Variants in RNF43 observed in about 807,000 individuals in gnomAD.
RNF43 encodes the protein E3 ubiquitin-protein ligase RNF43.
In RNF43, 37 loss-of-function variants were observed where a neutral mutation model predicts 78.4. That is an observed-to-expected ratio of 0.47 (90% CI 0.36 to 0.62). The LOEUF (loss-of-function observed/expected upper bound fraction) is 0.62, where lower values mean the gene tolerates loss of function less well. Ranked by LOEUF, RNF43 falls within the 20% of genes least tolerant of loss-of-function variation. RNF43 has a pLI of 0.00. For synonymous variants in RNF43, 347 were observed against 395.0 expected (o/e 0.88, Z 1.44); for missense variants, 774 against 1,007.9 (o/e 0.77, Z 3.14).
intron 2 of RNF43, among the ~76,000 whole-genome samples, chr17:58,381,394 A>G (rs1412262029): frequency 6.6e-6 from 1 of 152,226 alleles, no homozygotes; most frequent in Non-Finnish European, 1.5e-5. Flanking sequence ...CGGTGGCCCT[A>G]GGGAAGAGGC....
rs577919984 is a variant in RNF43, at chr17:58,354,871, G to A, written c.*72C>T. The A allele has an allele frequency of 7.5e-7, 1 of 1,336,814 alleles. No individual in the cohort carries two copies. The highest frequency in any genetic ancestry group is 1.2e-5 in the South Asian group (1 of 84,962). The allele number at this position is 1,336,814 out of a possible 1,614,324, so 82.8% of individuals were successfully genotyped here. ...GCTGTGGTCCTTTCCTTTCCCAGGA[G>A]CAGGACTCTGTGCCAGGTAGGGCCC... is the stretch of plus-strand genomic sequence containing the variant. On this transcript the variant is annotated 3_prime_UTR_variant, in exon 10 of 10. Coordinates refer to ENST00000407977, the MANE Select transcript of RNF43 (RefSeq NM_017763.6).
At chr17:58,395,889 A>T (rs1216185506) in intron 2 of RNF43, among the ~76,000 whole-genome samples, 5 of 152,152 alleles carry the variant, frequency 3.3e-5, no homozygotes, top group Non-Finnish European at 2.9e-5. Flanking sequence ...TGTATTTTGG[A>T]ATTGTCTCTA....
At chr17:58,385,288 A>C (rs1288605543) in intron 2 of RNF43, among the ~76,000 whole-genome samples, 1 of 152,224 alleles carries the variant, frequency 6.6e-6, no homozygotes, top group Admixed American at 6.5e-5. Context: ...ATACTTCAAA[A>C]TGCTTGTTAG....
Position 58,360,960 on chromosome 17 carries a change from G to T in RNF43, c.688-16C>A, listed in dbSNP as rs2143448960. On this transcript the variant is annotated splice_polypyrimidine_tract_variant and intron_variant, in intron 6 of 9. Transcript: ENST00000407977. This position sits in a 1 kb window ranked among gnomAD's most constrained non-coding sequence, Gnocchi z 4.3. ...GAAGCGGATCCTGGGAAGAGGAATG[G>T]GGCTCAGATTGGGGCATGGGCTCCC... 1 of 1,540,222 alleles carries T rather than the reference G, an allele frequency of 6.5e-7. No homozygotes were observed. Among genetic ancestry groups the T allele is most frequent in the Non-Finnish European group, 8.8e-7 (1 of 1,138,728 alleles).
intron 2 of RNF43, among the ~76,000 whole-genome samples, chr17:58,385,809 T>C (rs1973418241): frequency 6.6e-6 from 1 of 152,128 alleles, no homozygotes; most frequent in Non-Finnish European, 1.5e-5. Context: ...TCTCTAAGTC[T>C]CGTTTTAAAA....
chr17:58,358,109 T>C lies in RNF43; in HGVS notation c.1667A>G (p.His556Arg). 1.2e-6 allele frequency: 2 copies of C among 1,612,164 alleles called. No homozygotes were observed. Among genetic ancestry groups the C allele is most frequent in the South Asian group, 1.1e-5 (1 of 90,828 alleles). Residue 556 changes from histidine (H) to arginine (R), a missense_variant, in exon 9 of 10, where the codon CAC becomes CGC. Physicochemically the swap from His to Arg is conservative, Grantham distance 29. Coordinates refer to ENST00000407977, the MANE Select transcript of RNF43 (RefSeq NM_017763.6). This position sits in a 1 kb window ranked among gnomAD's most constrained non-coding sequence, Gnocchi z 6.2. ...CCACTGGAACCGCTTTTTGTAGTGG[T>C]GGTGCCGGTGGCGGTGGTAGTGGAC... Reference protein sequence around the residue: ...SHVHYHRHRHHHYKKRFQWHG... With the variant: ...SHVHYHRHRHRHYKKRFQWHG...
At position 58,354,947 on chromosome 17, in the gene RNF43, A is replaced by C. The variant is rs371814059; in HGVS notation, c.2348T>G (p.Val783Gly). The change falls in exon 10 of 10, where the codon GTG (valine) becomes GGG (glycine). Residue 783 changes from valine to glycine, a missense_variant. Val to Gly is a moderately radical substitution (Grantham distance 109). Transcript: ENST00000407977. ...TTGGAGCTAGGCCTGAACATCTCAC[A>C]CAGCCTGTTCACACAGCTCCTCGAG... ...EELEELCEQA[V>G] 6.2e-7 allele frequency: 1 copy of C among 1,614,052 alleles called. No homozygotes were observed. Among genetic ancestry groups the C allele is most frequent in the Non-Finnish European group, 8.5e-7 (1 of 1,179,912 alleles).
At chr17:58,371,118 G>A (rs2143517954) in intron 2 of RNF43, 85 bp from the exon 3 acceptor site, 5 of 1,350,820 alleles carry the variant, frequency 3.7e-6, no homozygotes, top group Non-Finnish European at 4.9e-6. Flanking sequence ...CATTTTTCTA[G>A]GGAGGTACCA....
Position 58,357,947 on chromosome 17 carries a change from A to G in RNF43, c.1829T>C (p.Leu610Pro), listed in dbSNP as rs2143398494. Residue 610 changes from leucine to proline, a missense_variant, in exon 9 of 10, where the codon CTC (leucine) becomes CCC (proline). Leu to Pro is a moderately conservative substitution (Grantham distance 98). Coordinates refer to ENST00000407977, the MANE Select transcript of RNF43 (RefSeq NM_017763.6). The surrounding 1 kb of genome is among the most constrained non-coding windows in gnomAD (Gnocchi z 4.5). ...RSNSAAPSGR[L>P]SNPQCPRALP... ...GGCCCTGGGGCACTGTGGGTTAGAG[A>G]GCCGCCCCGAAGGGGCTGCTGAGTT... The G allele has an allele frequency of 6.2e-7, 1 of 1,611,994 alleles. No homozygotes were observed.
At chr17:58,403,170 T>G (rs181767421) in intron 2 of RNF43, among the ~76,000 whole-genome samples, 1 of 152,290 alleles carries the variant, frequency 6.6e-6, no homozygotes, top group Admixed American at 6.5e-5. Context: ...CATTTGTATC[T>G]TACTGAGGCA....
intron 2 of RNF43, among the ~76,000 whole-genome samples, chr17:58,394,310 A>T (rs767693567): frequency 6.6e-6 from 1 of 152,232 alleles, no homozygotes; most frequent in Admixed American, 6.5e-5. Context: ...ATTTCAGAGA[A>T]TCTCTTAGAA....
In RNF43 at chr17:58,362,558, G is replaced by A. The variant is rs765548407; in HGVS notation, c.673C>T (p.Arg225Cys). The part of the protein sequence containing the change: ...ASVLRIRCRP[R>C]HSRPDPLQQR... Reference sequence around the variant, plus strand: ...ACACTGCTCACCGGCCTGCTGTGGCGGGGGCGGCACCGGATGCGCAGCACC... The same window carrying A: ...ACACTGCTCACCGGCCTGCTGTGGCAGGGGCGGCACCGGATGCGCAGCACC... The change falls in exon 6 of 10, where the codon CGC becomes TGC. Residue 225 changes from arginine (R) to cysteine (C), a missense_variant. Transcript: ENST00000407977. 28 of 1,605,558 alleles carry A rather than the reference G, an allele frequency of 1.7e-5. No individual in the cohort carries two copies. The highest frequency in any genetic ancestry group is 9.0e-5 in the East Asian group (4 of 44,520).
chr17:58,386,838 A>C (rs1442299018), intron 2 of RNF43, among the ~76,000 whole-genome samples: 1 of 151,804 alleles, frequency 6.6e-6, no homozygotes, highest in Admixed American at 6.6e-5. Context: ...TAATAAACAG[A>C]GATGGGGTCT....
chr17:58,395,828 G>A (rs1229365365), intron 2 of RNF43, among the ~76,000 whole-genome samples: 1 of 152,122 alleles, frequency 6.6e-6, no homozygotes, highest in African/African-American at 2.4e-5. Context: ...CACTATTAAG[G>A]ATAGAGAAAA....
chr17:58,401,743 A>G (rs1973804157), intron 2 of RNF43, among the ~76,000 whole-genome samples: 1 of 152,012 alleles, frequency 6.6e-6, no homozygotes, highest in South Asian at 2.1e-4. Flanking sequence ...CTCTCTCCTT[A>G]TAAATTCAAT....
At chr17:58,398,546 A>T (rs1598161053) in intron 2 of RNF43, among the ~76,000 whole-genome samples, 2 of 152,338 alleles carry the variant, frequency 1.3e-5, no homozygotes, top group East Asian at 1.9e-4. Flanking sequence ...AAGTGACCAG[A>T]TATTAAATTA....
intron 2 of RNF43, among the ~76,000 whole-genome samples, chr17:58,385,831 G>C (rs1411559710): frequency 6.6e-6 from 1 of 152,124 alleles, no homozygotes; most frequent in Non-Finnish European, 1.5e-5. Context: ...TGGAGGCTGG[G>C]CATGGTGGCT....
At chr17:58,375,925 T>G (rs1273907236) in intron 2 of RNF43, among the ~76,000 whole-genome samples, 2 of 152,262 alleles carry the variant, frequency 1.3e-5, no homozygotes, top group Admixed American at 6.5e-5. Context: ...TCCTGGCTTT[T>G]GCAGAAAAAC....
intron 2 of RNF43, among the ~76,000 whole-genome samples, chr17:58,377,405 G>A (rs1973225206): frequency 6.6e-6 from 1 of 152,072 alleles, no homozygotes; most frequent in South Asian, 2.1e-4. Flanking sequence ...CGCATTCTGG[G>A]ACAGCTCATT....
Sources: allele counts gnomAD v4.1 joint callset (sites outside exome capture counted in the v4.1 genomes callset), GRCh38; gene constraint gnomAD v4.1.1; non-coding constraint Gnocchi (gnomAD v3.1); transcripts MANE v1.5; gene names NCBI Gene and HGNC (gene_info 2026-07-23, HGNC 2026-07-21).